Variants in BMPER observed in about 807,000 individuals in gnomAD.
BMPER encodes the protein BMP binding endothelial regulator.
BMPER carries 45 observed loss-of-function variants against 87.3 expected under a neutral mutation model. The ratio of observed to expected loss-of-function variants is 0.52; its 90% CI spans 0.41 to 0.66. The LOEUF is 0.66. Ranked by LOEUF, BMPER falls within the 30% of genes least tolerant of loss-of-function variation. The pLI, the probability that BMPER is intolerant of heterozygous loss-of-function variation, is 0.00. For missense variants in BMPER, 784 were observed against 867.5 expected, an observed-to-expected ratio of 0.90 and a Z score of 1.21; for synonymous variants, 326 against 316.2, an observed-to-expected ratio of 1.03 and a Z score of -0.33.
intron 13 of BMPER, among the ~76,000 whole-genome samples, chr7:34,104,167 T>C (rs928254423): frequency 2.0e-5 from 3 of 152,234 alleles, no homozygotes; most frequent in Non-Finnish European, 2.9e-5. Flanking sequence ...TATTTCTTTC[T>C]AGAAGCCTTT....
At chr7:34,129,164 T>A (rs1417762358) in intron 13 of BMPER, among the ~76,000 whole-genome samples, 2 of 152,170 alleles carry the variant, frequency 1.3e-5, no homozygotes, top group East Asian at 3.9e-4. Flanking sequence ...TGGGGAAAAA[T>A]GTTCTATCAC....
chr7:34,073,289 C>T (rs557013060), intron 11 of BMPER, among the ~76,000 whole-genome samples: 1 of 152,218 alleles, frequency 6.6e-6, no homozygotes, highest in East Asian at 1.9e-4. Flanking sequence ...GGCAATTTTG[C>T]CATTATTCGA....
intron 13 of BMPER, among the ~76,000 whole-genome samples, chr7:34,100,425 C>T (rs1789649480): frequency 6.6e-6 from 1 of 152,114 alleles, no homozygotes; most frequent in Non-Finnish European, 1.5e-5. Context: ...GGCCCAGAGG[C>T]AGGAGGAATG....
chr7:34,115,114 G>T (rs979149824), intron 13 of BMPER, among the ~76,000 whole-genome samples: 2 of 152,132 alleles, frequency 1.3e-5, no homozygotes, highest in African/African-American at 4.8e-5. Flanking sequence ...GTGCTTCAGG[G>T]GTTACAAAGC....
chr7:34,101,917 CTTG>C (rs1248274951), intron 13 of BMPER, among the ~76,000 whole-genome samples: 1 of 152,336 alleles, frequency 6.6e-6, no homozygotes, highest in East Asian at 1.9e-4. Context: ...GATGGCGTCC[CTTG>C]TTTCCTATTT....
intron 2 of BMPER, among the ~76,000 whole-genome samples, chr7:33,910,568 G>A (rs1368569867): frequency 6.6e-6 from 1 of 152,330 alleles, no homozygotes; most frequent in South Asian, 2.1e-4. Flanking sequence ...CAGAAAACCC[G>A]AAGTCAGAGC....
rs943002148 is a variant in BMPER at position 34,156,301 on chromosome 7, A to G, written c.*3028A>G. 2.0e-5 allele frequency among the ~76,000 whole-genome samples: 3 copies of G among 152,242 alleles called. No individual in the cohort carries two copies. Among genetic ancestry groups the G allele is most frequent in the African/African-American group, 4.8e-5 (2 of 41,464 alleles). ...AGATATTTCAGACACACAAAAAGGCATAGAGAAAAATGTTGCAAACATCCA... is the reference window on the plus strand; with the variant it reads ...AGATATTTCAGACACACAAAAAGGCGTAGAGAAAAATGTTGCAAACATCCA... On this transcript the variant is annotated 3_prime_UTR_variant, in exon 15 of 15. Coordinates refer to ENST00000649409, the MANE Select transcript of BMPER (RefSeq NM_001365308.1).
rs75345186 is a variant in BMPER, at chr7:34,135,922, T to C, written c.1746-7308T>C. On this transcript the variant is annotated intron_variant, in intron 13 of 14. Transcript: ENST00000649409. ...AGCTGAACCGGAGATAACTTTTATA[T>C]CTACAACCAGAGAAACAGGCTGGAC... Among the ~76,000 whole-genome samples, 27 of 152,226 alleles carry C rather than the reference T, an allele frequency of 1.8e-4. No homozygotes were observed. In the East Asian group the frequency reaches 5.0e-3, roughly 28 times the overall value.
intron 6 of BMPER, among the ~76,000 whole-genome samples, chr7:34,007,228 A>G (rs989386237): frequency 6.6e-6 from 1 of 152,104 alleles, no homozygotes; most frequent in Non-Finnish European, 1.5e-5. Context: ...TTATGAAATG[A>G]GGGGATTGCG....
At position 33,910,365 on chromosome 7, in the gene BMPER, C is replaced by A. The variant is rs564052652; in HGVS notation, c.219+3462C>A. On this transcript the variant is annotated intron_variant, in intron 2 of 14. Coordinates refer to ENST00000649409, the MANE Select transcript of BMPER (RefSeq NM_001365308.1). ...GAGTACAGCTGAGAAGAGAGCCAGCCACACCTAGATAAATGAAACTGAAGC... is the reference window on the plus strand; with the variant it reads ...GAGTACAGCTGAGAAGAGAGCCAGCAACACCTAGATAAATGAAACTGAAGC... Among the ~76,000 whole-genome samples, 82 of 152,320 alleles carry A rather than the reference C, an allele frequency of 5.4e-4. No homozygotes were observed. In the Middle Eastern group the frequency reaches 0.01, roughly 19 times the overall value.
At chr7:34,112,427 C>T (rs1335961631) in intron 13 of BMPER, among the ~76,000 whole-genome samples, 6 of 129,416 alleles carry the variant, frequency 4.6e-5, no homozygotes, top group East Asian at 2.6e-4. Context: ...ACCTCGGAGG[C>T]GGAGCTTGCA....
chr7:34,027,927 A>G lies in BMPER; in HGVS notation c.577-18379A>G, dbSNP rs1318983169. On this transcript the variant is annotated intron_variant, in intron 6 of 14. Transcript: ENST00000649409. ...ATTTGGAAGATCTGCCCAAATCAAT[A>G]TATTCCACATGACTGATGCATGCTG... 3.9e-5 allele frequency among the ~76,000 whole-genome samples: 6 copies of G among 152,104 alleles called. No homozygotes were observed. The South Asian group carries it at 1.0e-3, about 26-fold the overall frequency.
In BMPER at chr7:34,153,599, A is replaced by G. The variant is rs560458556; in HGVS notation, c.*326A>G. ...AGATACATTGGATAGTGTTAACATC[A>G]CATACATTTGTCATTTTTAAGGAAG... On this transcript the variant is annotated 3_prime_UTR_variant, in exon 15 of 15. Transcript: ENST00000649409. 5 of 223,656 alleles carry G rather than the reference A, an allele frequency of 2.2e-5. No homozygotes were observed. Among genetic ancestry groups the G allele is most frequent in the Non-Finnish European group, 3.6e-5 (4 of 110,710 alleles). The allele number at this position is 223,656 out of a possible 1,614,324, so 13.9% of individuals were successfully genotyped here. A position where few individuals can be genotyped will look rare whatever the true frequency, so the allele number is the denominator to read the frequency against.
chr7:34,066,565 C>T (rs757596873), intron 11 of BMPER, among the ~76,000 whole-genome samples: 7 of 152,196 alleles, frequency 4.6e-5, no homozygotes, highest in South Asian at 2.1e-4. Context: ...GGACTTGCCT[C>T]GGCTGGGCAC....
intron 8 of BMPER, among the ~76,000 whole-genome samples, chr7:34,053,454 A>G (rs1409826186): frequency 1.3e-5 from 2 of 152,052 alleles, no homozygotes; most frequent in African/African-American, 4.8e-5. Context: ...GATTCCCTGT[A>G]CCGTTGAAAA....
intron 13 of BMPER, among the ~76,000 whole-genome samples, chr7:34,089,643 C>T (rs1478880015): frequency 6.6e-6 from 1 of 151,990 alleles, no homozygotes. Context: ...ACCACCACAC[C>T]CGGCTAATTT....
In BMPER at chr7:33,908,862, G is replaced by C. The variant is rs145910973; in HGVS notation, c.219+1959G>C. Among the ~76,000 whole-genome samples the C allele has an allele frequency of 1.2e-4, 18 of 152,290 alleles. No individual in the cohort carries two copies. In the East Asian group the frequency reaches 3.3e-3, roughly 28 times the overall value. On this transcript the variant is annotated intron_variant, in intron 2 of 14. Transcript: ENST00000649409. ...GGTCCAAGTTGTCACAGTCATTGCT[G>C]CTTCCCAAACGTTTGTAATGACTTG...
intron 13 of BMPER, among the ~76,000 whole-genome samples, chr7:34,119,455 G>T (rs929838508): frequency 4.6e-5 from 7 of 152,088 alleles, no homozygotes; most frequent in African/African-American, 1.7e-4. Context: ...TACTTCTAGT[G>T]GTTGAAAACA....
intron 3 of BMPER, among the ~76,000 whole-genome samples, chr7:33,959,486 G>A (rs986343756): frequency 6.6e-6 from 1 of 152,076 alleles, no homozygotes; most frequent in Non-Finnish European, 1.5e-5. Flanking sequence ...CTGTTGAGAG[G>A]CAATGAGAGC....
Sources: gnomAD v4.1 joint callset for allele counts (sites outside exome capture counted in the v4.1 genomes callset) on GRCh38, gnomAD v4.1.1 for gene constraint, MANE v1.5 for transcripts, NCBI Gene and HGNC (gene_info 2026-07-23, HGNC 2026-07-21) for gene names.